The following PTGFRN variants were observed in gnomAD, a reference collection of about 807,000 sequenced individuals.
PTGFRN encodes the protein prostaglandin F2 receptor inhibitor, also known as prostaglandin F2 receptor negative regulator.
A neutral mutation model predicts 83.2 loss-of-function variants in PTGFRN; 35 were observed. The ratio of observed to expected loss-of-function variants is 0.42; its 90% CI spans 0.32 to 0.56. PTGFRN has a LOEUF of 0.56. Ranked by LOEUF, PTGFRN falls within the 20% of genes least tolerant of loss-of-function variation. The pLI is 0.11. For synonymous variants in PTGFRN, 519 were observed against 498.6 expected (o/e 1.04, Z -0.55); for missense variants, 1,051 against 1,179.5 (o/e 0.89, Z 1.60).
At chr1:116,966,776 T>G (rs1650847425) in intron 5 of PTGFRN, 135 bp from the exon 6 acceptor site, 1 of 920,992 alleles carries the variant, frequency 1.1e-6, no homozygotes, top group Admixed American at 2.9e-5. Context: ...TCTTTCTGAG[T>G]TTCCAGATTT....
At chr1:116,976,518 G>A (rs770126728) in intron 7 of PTGFRN, among the ~76,000 whole-genome samples, 50 of 152,178 alleles carry the variant, frequency 3.3e-4, no homozygotes, top group Non-Finnish European at 6.5e-4. Context: ...GATTAACAGC[G>A]GATCTCTTGG....
intron 7 of PTGFRN, among the ~76,000 whole-genome samples, chr1:116,975,045 T>C (rs1159210898): frequency 6.6e-6 from 1 of 152,152 alleles, no homozygotes; most frequent in African/African-American, 2.4e-5. Context: ...GCTTTTCCTA[T>C]GGTCTTAGCA....
At chr1:116,933,901 T>C (rs759818422) in intron 1 of PTGFRN, among the ~76,000 whole-genome samples, 3 of 152,252 alleles carry the variant, frequency 2.0e-5, no homozygotes, top group Non-Finnish European at 4.4e-5. Context: ...ACATATCTTA[T>C]CTTGCATCTG....
At chr1:116,932,081 C>A (rs540395186) in intron 1 of PTGFRN, among the ~76,000 whole-genome samples, 2 of 152,224 alleles carry the variant, frequency 1.3e-5, no homozygotes, top group East Asian at 3.9e-4. Context: ...GAAACAATTG[C>A]AAGAATTTTT....
intron 4 of PTGFRN, among the ~76,000 whole-genome samples, chr1:116,957,676 G>A (rs1650536853): frequency 6.6e-6 from 1 of 152,066 alleles, no homozygotes; most frequent in Non-Finnish European, 1.5e-5. Context: ...ACAATACATG[G>A]TTATTAACTA....
chr1:116,926,979 C>T (rs1037681888), intron 1 of PTGFRN, among the ~76,000 whole-genome samples: 16 of 152,094 alleles, frequency 1.1e-4, no homozygotes, highest in Non-Finnish European at 2.4e-4. Context: ...GCAGAGTGGG[C>T]TGGTTTAGGG....
chr1:116,936,803 T>G (rs1649930386), intron 1 of PTGFRN, among the ~76,000 whole-genome samples: 1 of 152,182 alleles, frequency 6.6e-6, no homozygotes, highest in African/African-American at 2.4e-5. Context: ...ATTCATTCAT[T>G]TAACAAATAT....
Position 116,938,458 on chromosome 1 carries a change from G to A in PTGFRN, c.50-3257G>A, listed in dbSNP as rs539150100. ...GATGGCGGCAGGCAAAGAGAAGAGCGCTTGTGCAGGGAACCTCCCCTTTTT... is the reference window on the plus strand; with the variant it reads ...GATGGCGGCAGGCAAAGAGAAGAGCACTTGTGCAGGGAACCTCCCCTTTTT... On this transcript the variant is annotated intron_variant, in intron 1 of 8. Coordinates refer to ENST00000393203, the MANE Select transcript of PTGFRN (RefSeq NM_020440.4). Among the ~76,000 whole-genome samples, 7 of 152,184 alleles carry A rather than the reference G, an allele frequency of 4.6e-5. No individual in the cohort carries two copies. In the South Asian group the frequency reaches 8.3e-4, roughly 18 times the overall value.
intron 1 of PTGFRN, among the ~76,000 whole-genome samples, chr1:116,915,077 A>G (rs534341624): frequency 2.6e-5 from 4 of 152,250 alleles, no homozygotes; most frequent in African/African-American, 4.8e-5. Context: ...GATTCTTCCT[A>G]GCAGACCTAG....
intron 5 of PTGFRN, among the ~76,000 whole-genome samples, 166 bp from the exon 6 acceptor site, chr1:116,966,745 G>A (rs1650846299): frequency 6.6e-6 from 1 of 152,222 alleles, no homozygotes; most frequent in Non-Finnish European, 1.5e-5. Flanking sequence ...GTTTTAGCCT[G>A]CTTATAGATA....
intron 1 of PTGFRN, among the ~76,000 whole-genome samples, chr1:116,919,138 T>G (rs1398234380): frequency 6.6e-6 from 1 of 152,190 alleles, no homozygotes; most frequent in Non-Finnish European, 1.5e-5. Context: ...TATTCAGAGT[T>G]TCTGCCTCTT....
At chr1:116,968,386 TA>T (rs1650898724) in intron 6 of PTGFRN, among the ~76,000 whole-genome samples, 1 of 152,060 alleles carries the variant, frequency 6.6e-6, no homozygotes, top group Non-Finnish European at 1.5e-5. Context: ...TTTCTATTAT[TA>T]TAGCCTTTTA....
intron 5 of PTGFRN, 111 bp from the exon 6 acceptor site, chr1:116,966,800 T>C: frequency 8.3e-7 from 1 of 1,208,804 alleles, no homozygotes; most frequent in Non-Finnish European, 1.1e-6. Flanking sequence ...TAGGTGCTTT[T>C]GTGTGGCAAT....
At chr1:116,910,299 C>T in intron 1 of PTGFRN, 47 bp downstream of exon 1, 1 of 1,295,366 alleles carries the variant, frequency 7.7e-7, no homozygotes, top group Non-Finnish European at 9.8e-7. Context: ...CTGGCGAGGC[C>T]CTGGAGGGCT....
At chr1:116,957,699 T>C (rs1650537133) in intron 4 of PTGFRN, among the ~76,000 whole-genome samples, 1 of 152,180 alleles carries the variant, frequency 6.6e-6, no homozygotes, top group African/African-American at 2.4e-5. Flanking sequence ...GTCACAATGT[T>C]GTACAATAGA....
intron 6 of PTGFRN, 117 bp downstream of exon 6, chr1:116,967,447 T>C (rs1198174840): frequency 6.6e-6 from 7 of 1,058,044 alleles, no homozygotes; most frequent in Non-Finnish European, 9.4e-6. Context: ...TGCCATACAA[T>C]GTACCTGTTT....
intron 6 of PTGFRN, among the ~76,000 whole-genome samples, chr1:116,968,506 C>T (rs780271010): frequency 1.3e-5 from 2 of 151,940 alleles, no homozygotes; most frequent in Admixed American, 6.6e-5. Context: ...GCATAGGCCT[C>T]CTTTATTGTG....
intron 4 of PTGFRN, among the ~76,000 whole-genome samples, chr1:116,956,242 A>G (rs2101072986): frequency 6.6e-6 from 1 of 152,298 alleles, no homozygotes; most frequent in South Asian, 2.1e-4. Flanking sequence ...CCAAGAATCC[A>G]CTTATTTTTG....
intron 1 of PTGFRN, among the ~76,000 whole-genome samples, chr1:116,934,674 A>G (rs557919792): frequency 6.0e-4 from 87 of 145,320 alleles, no homozygotes; most frequent in East Asian, 1.4e-3. Context: ...GTCTGTTTCT[A>G]TTGTCTTATT....
Sources: gnomAD v4.1 joint callset for allele counts (sites outside exome capture counted in the v4.1 genomes callset) on GRCh38, gnomAD v4.1.1 for gene constraint, MANE v1.5 for transcripts, NCBI Gene and HGNC (gene_info 2026-07-23, HGNC 2026-07-21) for gene names.